MUS81: variants seen among roughly 807,000 people sequenced by gnomAD.
MUS81 encodes the protein MUS81 structure-specific endonuclease subunit.
Under a neutral mutation model 74.2 loss-of-function variants are expected in MUS81, and 69 were observed. The ratio of observed to expected loss-of-function variants is 0.93; its 90% confidence interval spans 0.77 to 1.14. The LOEUF (loss-of-function observed/expected upper bound fraction) is 1.14, where lower values mean the gene tolerates loss of function less well. Among genes scored for constraint, MUS81 ranks in the 50% most tolerant of loss-of-function variants. The pLI is 0.00. For missense variants in MUS81, 711 were observed against 726.5 expected (o/e 0.98, Z 0.25); for synonymous variants, 303 against 300.6 (o/e 1.01, Z -0.08).
At position 65,860,793 on chromosome 11, in the gene MUS81, C is replaced by T. The variant is rs1250630656; in HGVS notation, c.40C>T (p.Pro14Ser). Residue 14 changes from proline (P) to serine (S), a missense_variant, in exon 1 of 16, where the codon CCT becomes TCT. Transcript: ENST00000308110. Reference sequence around the variant, plus strand: ...CCGCCTGGGCCGGAAGCGCCCGCTGCCTGCCTGTCCCAACCCGCTCTTCGT... The same window carrying T: ...CCGCCTGGGCCGGAAGCGCCCGCTGTCTGCCTGTCCCAACCCGCTCTTCGT... The part of the protein sequence containing the change: ...PVRLGRKRPL[P>S]ACPNPLFVRW... 1.2e-5 allele frequency: 19 copies of T among 1,540,926 alleles called. No individual in the cohort carries two copies. In the East Asian group the frequency reaches 4.6e-4, roughly 38 times the overall value.
chr11:65,862,187 C>T (rs778366493), intron 4 of MUS81, 24 bp from the exon 5 acceptor site: 2 of 1,611,978 alleles, frequency 1.2e-6, no homozygotes, highest in East Asian at 2.2e-5. Context: ...TGAGCCTACC[C>T]TGTCTTTTCT....
intron 10 of MUS81, 194 bp downstream of exon 10, chr11:65,864,095 G>T: frequency 1.6e-6 from 1 of 620,948 alleles, no homozygotes; most frequent in Non-Finnish European, 2.8e-6. Flanking sequence ...CCAGGTACCT[G>T]CATTCTTGGG....
chr11:65,866,655 G>T, downstream of MUS81: 2 of 703,756 alleles, frequency 2.8e-6, no homozygotes, highest in Admixed American at 2.0e-5. Flanking sequence ...TCTCCTCTCG[G>T]GGTGACTGAA....
At position 65,866,164 on chromosome 11, in the gene MUS81, T is replaced by G; in HGVS notation, c.*112T>G. On this transcript the variant is annotated 3_prime_UTR_variant, in exon 16 of 16. Transcript: ENST00000308110. ...TAGAATCTAAGTGTTTGCAGCCATA[T>G]GTGTCATGTAGAAGATGCCTAGCCC... 1.9e-6 allele frequency: 2 copies of G among 1,064,072 alleles called. No individual in the cohort carries two copies. Among genetic ancestry groups the G allele is most frequent in the Non-Finnish European group, 2.7e-6 (2 of 737,242 alleles). 65.9% of individuals were successfully genotyped at this position (1,064,072 alleles called of 1,614,324 possible).
rs149378507 is a variant in MUS81, at chr11:65,864,514, T to C, written c.1077T>C (p.Cys359=). 1.9e-3 allele frequency: 3,003 copies of C among 1,614,112 alleles called. 6 individuals are homozygous for C. Among genetic ancestry groups the C allele is most frequent in the South Asian group, 2.5e-3 (230 of 91,082 alleles). The change falls in exon 11 of 16, where the codon TGT becomes TGC. Residue 359 remains cysteine (C), a synonymous_variant. Transcript: ENST00000308110. ...FREQKFRLKR[C]GLERRVYLVE... The stretch of plus-strand genomic sequence containing the variant: ...TTCCCTAGTTCCGGCTGAAGCGCTG[T>C]GGTCTGGAGCGCCGGGTATACCTGG...
chr11:65,863,023 G>T (rs778929229), intron 6 of MUS81, 42 bp from the exon 7 acceptor site: 3 of 1,612,836 alleles, frequency 1.9e-6, no homozygotes, highest in Non-Finnish European at 1.7e-6. Context: ...TGCCAGGAAT[G>T]AGTGAAGAAG....
rs1859811648 is a variant in MUS81, at chr11:65,865,881, G to A, written c.1576G>A (p.Gly526Arg). 1.9e-6 allele frequency: 3 copies of A among 1,614,038 alleles called. No individual in the cohort carries two copies. The highest frequency in any genetic ancestry group is 2.5e-6 in the Non-Finnish European group (3 of 1,180,018). Residue 526 changes from glycine (G) to arginine (R), a missense_variant, in exon 15 of 16, where the codon GGG becomes AGG. Gly to Arg is a moderately radical substitution (Grantham distance 125). Transcript: ENST00000308110. Reference protein sequence around the residue: ...QETLLSTIKCGRLQRNLGPAL... With the variant: ...QETLLSTIKCRRLQRNLGPAL... Reference sequence around the variant, plus strand: ...GACACTGCTGAGCACCATTAAGTGTGGGCGTCTACAGAGGTGAGGGCAAGA... The same window carrying A: ...GACACTGCTGAGCACCATTAAGTGTAGGCGTCTACAGAGGTGAGGGCAAGA...
rs775821086 is a variant in MUS81, at chr11:65,863,361, G to A, written c.747-49G>A. ...CGGGTGGCATGGGTGTGGGGCAACT[G>A]CCCTGGCACAAGGGGTTCTGGCCTC... On this transcript the variant is annotated intron_variant, in intron 7 of 15. Coordinates refer to ENST00000308110, the MANE Select transcript of MUS81 (RefSeq NM_025128.5). 1.4e-5 allele frequency: 23 copies of A among 1,609,508 alleles called. No homozygotes were observed. The South Asian group carries it at 2.1e-4, about 15-fold the overall frequency.
Position 65,866,131 on chromosome 11 carries a change from G to T in MUS81, c.*79G>T. On this transcript the variant is annotated 3_prime_UTR_variant, in exon 16 of 16. Coordinates refer to ENST00000308110, the MANE Select transcript of MUS81 (RefSeq NM_025128.5). ...CCAGCCTTTTAACAACATCTTTTGG[G>T]GTACAATTAGAATCTAAGTGTTTGC... 1 of 1,373,840 alleles carries T rather than the reference G, an allele frequency of 7.3e-7. No homozygotes were observed. The highest frequency in any genetic ancestry group is 1.4e-5 in the African/African-American group (1 of 69,404). 85.1% of individuals were successfully genotyped at this position (1,373,840 alleles called of 1,614,324 possible).
At chr11:65,860,421 C>A, upstream of MUS81, 1 of 512,752 alleles carries the variant, frequency 2.0e-6, no homozygotes, top group Non-Finnish European at 3.8e-6. Flanking sequence ...ACCCCGCTCT[C>A]GAATCTGGGG....
rs777303777 is a variant in MUS81 at position 65,862,255 on chromosome 11, G to A, written c.495G>A (p.Gln165=). The A allele has an allele frequency of 8.7e-6, 14 of 1,613,690 alleles. No individual in the cohort carries two copies. In the African/African-American group the frequency reaches 1.9e-4, roughly 22 times the overall value. Residue 165 remains glutamine, a synonymous_variant, in exon 5 of 16, where the codon CAG becomes CAA. Transcript: ENST00000308110. Reference sequence around the variant, plus strand: ...TCTTAACCAAGGAGGAGCTGCTGCAGAGGTGTGCTCAGAAGTCCCCCAGGG... The same window carrying A: ...TCTTAACCAAGGAGGAGCTGCTGCAAAGGTGTGCTCAGAAGTCCCCCAGGG... ...HHFLTKEELL[Q]RCAQKSPRVA...
chr11:65,861,729 G>T (rs1325848983), intron 3 of MUS81: 3 of 610,002 alleles, frequency 4.9e-6, no homozygotes, highest in African/African-American at 3.7e-5. Flanking sequence ...CATGGTAGAA[G>T]TGAGGCCAGG....
chr11:65,863,068 C>G lies in MUS81; in HGVS notation c.609C>G (p.Tyr203Ter). Residue 203 changes from tyrosine (Y) to a stop codon, truncating the protein, a stop_gained, in exon 7 of 16, where the codon TAC becomes TAG. Transcript: ENST00000308110. LOFTEE classifies it high-confidence loss of function. ...LVLRTHQPAR[Y>*]SLTPEGLELA... Reference sequence around the variant, plus strand: ...TGTTGTCCCCTCTGCCTCCCAGGTACTCATTGACCCCAGAGGGCCTGGAGC... The same window carrying G: ...TGTTGTCCCCTCTGCCTCCCAGGTAGTCATTGACCCCAGAGGGCCTGGAGC... The G allele has an allele frequency of 6.2e-7, 1 of 1,614,094 alleles. No homozygotes were observed. Among genetic ancestry groups the G allele is most frequent in the South Asian group, 1.1e-5 (1 of 91,086 alleles).
intron 10 of MUS81, 131 bp from the exon 11 acceptor site, chr11:65,864,366 A>G: frequency 1.3e-6 from 1 of 754,626 alleles, no homozygotes; most frequent in South Asian, 1.6e-5. Flanking sequence ...GCAGGTGGAG[A>G]GGCTAGGGAG....
At position 65,864,780 on chromosome 11, in the gene MUS81, G is replaced by A. The variant is rs373098979; in HGVS notation, c.1237G>A (p.Ala413Thr). 9.8e-5 allele frequency: 158 copies of A among 1,613,812 alleles called. 5 individuals are homozygous for A. The highest frequency in any genetic ancestry group is 4.5e-4 in the East Asian group (20 of 44,882). ...ADIKESAAYL[A>T]LLTRGLQRLY... is the part of the protein sequence containing the mutation. Reference sequence around the variant, plus strand: ...CATTAAGGAGTCAGCCGCCTACCTGGCCCTCTTGACGCGGGGCCTGCAGAG... The same window carrying A: ...CATTAAGGAGTCAGCCGCCTACCTGACCCTCTTGACGCGGGGCCTGCAGAG... Residue 413 changes from alanine (A) to threonine (T), a missense_variant, in exon 12 of 16, where the codon GCC (alanine) becomes ACC (threonine). Physicochemically the swap from Ala to Thr is moderately conservative, Grantham distance 58. Transcript: ENST00000308110.
intron 10 of MUS81, 120 bp downstream of exon 10, chr11:65,864,021 C>T: frequency 2.0e-6 from 2 of 980,644 alleles, no homozygotes; most frequent in Non-Finnish European, 3.1e-6. Flanking sequence ...AATCCAGCCA[C>T]ACCCACCCTG....
chr11:65,864,449 G>A (rs763654853), intron 10 of MUS81, 48 bp from the exon 11 acceptor site: 6 of 1,496,850 alleles, frequency 4.0e-6, no homozygotes, highest in Non-Finnish European at 5.6e-6. Context: ...GCCCAGGCAT[G>A]TGGTCATCCA....
intron 10 of MUS81, 29 bp from the exon 11 acceptor site, chr11:65,864,468 C>G (rs756365999): frequency 3.5e-5 from 55 of 1,593,596 alleles, no homozygotes; most frequent in Non-Finnish European, 4.5e-5. Flanking sequence ...CAGCCTGACC[C>G]TCCCTGTCCA....
chr11:65,862,630 G>C (rs633877), intron 6 of MUS81, 101 bp downstream of exon 6: 688,480 of 1,128,194 alleles, frequency 0.61, 222,747 homozygotes, highest in Middle Eastern at 0.7. Context: ...TTGAGATTGG[G>C]GGGGGTGGGC....
Sources: allele counts gnomAD v4.1 joint callset, GRCh38; gene constraint gnomAD v4.1.1; transcripts MANE v1.5; gene names NCBI Gene and HGNC (gene_info 2026-07-23, HGNC 2026-07-21).